The following LRRTM3 variants were observed in gnomAD, a reference collection of about 807,000 sequenced individuals.
The protein encoded by LRRTM3 is leucine-rich repeat transmembrane neuronal protein 3.
LRRTM3 carries 24 observed loss-of-function variants against 44.7 expected under a neutral mutation model. The observed-to-expected ratio is 0.54, with a 90% CI of 0.39 to 0.76. The LOEUF is 0.76. LRRTM3 is among the 30% of genes least tolerant of loss of function. The pLI, the probability that LRRTM3 is intolerant of heterozygous loss-of-function variation, is 0.00. For missense variants in LRRTM3, 587 were observed against 702.2 expected (o/e 0.84, Z 1.85); for synonymous variants, 277 against 278.7 (o/e 0.99, Z 0.06).
intron 2 of LRRTM3, among the ~76,000 whole-genome samples, chr10:67,044,514 A>G (rs941283311): frequency 4.3e-4 from 65 of 152,172 alleles, no homozygotes; most frequent in African/African-American, 1.5e-3. Flanking sequence ...TGCTATCTGG[A>G]AAGTTTCCCA....
intron 2 of LRRTM3, among the ~76,000 whole-genome samples, chr10:67,034,447 T>G (rs1360992565): frequency 2.0e-5 from 3 of 152,198 alleles, no homozygotes; most frequent in Non-Finnish European, 4.4e-5. Context: ...TTATGATCTA[T>G]CACATCTTCT....
rs189427575 is a variant in LRRTM3, at chr10:66,990,996, T to C, written c.1536+62544T>C. ...TCATGATGGCATGTATTGAACATTTTGGTGAAACAAATATCTGCTAATGAT... is the reference window on the plus strand; with the variant it reads ...TCATGATGGCATGTATTGAACATTTCGGTGAAACAAATATCTGCTAATGAT... On this transcript the variant is annotated intron_variant, in intron 2 of 2. Transcript: ENST00000361320. 9.5e-4 allele frequency among the ~76,000 whole-genome samples: 144 copies of C among 152,278 alleles called. 1 individual carries two copies. The highest frequency in any genetic ancestry group is 3.2e-3 in the African/African-American group (134 of 41,564).
At chr10:66,976,123 T>G (rs1421195289) in intron 2 of LRRTM3, among the ~76,000 whole-genome samples, 2 of 152,186 alleles carry the variant, frequency 1.3e-5, no homozygotes, top group Admixed American at 6.5e-5. Context: ...GAAACAAACA[T>G]TGTTCCTGCC....
intron 2 of LRRTM3, among the ~76,000 whole-genome samples, chr10:67,080,763 G>T (rs1260234900): frequency 2.0e-5 from 3 of 151,932 alleles, no homozygotes; most frequent in Admixed American, 6.6e-5. Flanking sequence ...CAAAAAATTA[G>T]CCCGGCGTGG....
At chr10:67,019,691 A>G (rs894189772) in intron 2 of LRRTM3, among the ~76,000 whole-genome samples, 4 of 152,156 alleles carry the variant, frequency 2.6e-5, no homozygotes, top group African/African-American at 9.7e-5. Context: ...AGGTCTCCCT[A>G]TGTAATGTCA....
intron 2 of LRRTM3, among the ~76,000 whole-genome samples, chr10:67,089,717 A>ATGTGTGTGTGTGTGTGTGTGTGTGTGTG (rs71006125): frequency 6.9e-6 from 1 of 144,648 alleles, no homozygotes; most frequent in East Asian, 2.1e-4. Context: ...GTATATACAT[A>ATGTGTGTGTGTGTGTGTGTGTGTGTGTG]TGTGTGTGTG....
At position 67,097,764 on chromosome 10, in the gene LRRTM3, C is replaced by T. The variant is rs957367602; in HGVS notation, c.1714C>T (p.Arg572Ter). ...CCTGAGCACAATCACAACAGCTGGC[C>T]GAATCAGTGACCATAAACAGCAGCT... ...LDLSTITTAGRISDHKQQLA is the reference protein window; with the variant it reads ...LDLSTITTAG The change falls in exon 3 of 3, where the codon CGA becomes TGA. Residue 572 changes from arginine to a stop codon, truncating the protein, a stop_gained. Coordinates refer to ENST00000361320, the MANE Select transcript of LRRTM3 (RefSeq NM_178011.5). LOFTEE classifies it high-confidence loss of function. 46 of 1,612,184 alleles carry T rather than the reference C, an allele frequency of 2.9e-5. No individual in the cohort carries two copies. Among genetic ancestry groups the T allele is most frequent in the Middle Eastern group, 1.6e-4 (1 of 6,072 alleles).
chr10:66,976,089 AG>A (rs138025235), intron 2 of LRRTM3, among the ~76,000 whole-genome samples: 5,834 of 152,280 alleles, frequency 0.038, 138 homozygotes, highest in Middle Eastern at 0.085. Flanking sequence ...ACTTACTGTT[AG>A]GTGCTAGTAG....
intron 2 of LRRTM3, among the ~76,000 whole-genome samples, chr10:67,028,510 G>GACT (rs1853524532): frequency 6.6e-6 from 1 of 151,836 alleles, no homozygotes; most frequent in Non-Finnish European, 1.5e-5. Flanking sequence ...AGGAAGTAAA[G>GACT]ACTTTAGGCA....
chr10:67,033,504 C>T (rs748586969), intron 2 of LRRTM3, among the ~76,000 whole-genome samples: 76 of 152,316 alleles, frequency 5.0e-4, no homozygotes, highest in Non-Finnish European at 6.8e-4. Flanking sequence ...TACCAATACA[C>T]GATGTAAATA....
chr10:66,926,842 A>C, intron 1 of LRRTM3, 79 bp from the exon 2 acceptor site: 3 of 1,266,630 alleles, frequency 2.4e-6, no homozygotes, highest in Non-Finnish European at 3.2e-6. Flanking sequence ...AAAAATGAAA[A>C]ATATATGCCT....
intron 2 of LRRTM3, among the ~76,000 whole-genome samples, chr10:67,066,562 CACCA>C (rs1338655596): frequency 1.3e-5 from 2 of 149,676 alleles, no homozygotes; most frequent in Non-Finnish European, 3.0e-5. Context: ...GGTACATACA[CACCA>C]ACCATTACAG....
At chr10:67,016,609 C>T (rs905027924) in intron 2 of LRRTM3, among the ~76,000 whole-genome samples, 3 of 152,146 alleles carry the variant, frequency 2.0e-5, no homozygotes, top group East Asian at 1.9e-4. Context: ...TTATGTATCA[C>T]GCAGAAACTA....
intron 2 of LRRTM3, among the ~76,000 whole-genome samples, chr10:66,931,558 G>A (rs114114376): frequency 1.6e-3 from 239 of 152,304 alleles, no homozygotes; most frequent in African/African-American, 5.4e-3. Flanking sequence ...GACCTCTAGT[G>A]TCTGGTTAGA....
chr10:67,080,634 G>C (rs1856998737), intron 2 of LRRTM3, among the ~76,000 whole-genome samples: 1 of 152,124 alleles, frequency 6.6e-6, no homozygotes, highest in Non-Finnish European at 1.5e-5. Context: ...TAACGGCCGG[G>C]CATGGTGGCT....
At chr10:67,030,733 C>T (rs1036785388) in intron 2 of LRRTM3, among the ~76,000 whole-genome samples, 20 of 152,018 alleles carry the variant, frequency 1.3e-4, no homozygotes, top group African/African-American at 3.9e-4. Context: ...CGGTCAGATG[C>T]GGTGGCTCAC....
At chr10:66,942,050 G>C (rs543629599) in intron 2 of LRRTM3, among the ~76,000 whole-genome samples, 3 of 152,132 alleles carry the variant, frequency 2.0e-5, no homozygotes, top group Admixed American at 2.0e-4. Flanking sequence ...GCACGGCATG[G>C]TATCAGTTTC....
chr10:66,951,787 G>T (rs1464366258), intron 2 of LRRTM3, among the ~76,000 whole-genome samples: 1 of 152,110 alleles, frequency 6.6e-6, no homozygotes, highest in African/African-American at 2.4e-5. Context: ...ACTGGGAAGG[G>T]ATCTAGAGGA....
At chr10:66,946,960 T>C (rs1056489793) in intron 2 of LRRTM3, among the ~76,000 whole-genome samples, 5 of 152,156 alleles carry the variant, frequency 3.3e-5, no homozygotes, top group African/African-American at 1.2e-4. Context: ...TATTTTGCAT[T>C]TTTAAAATCT....
Sources: gnomAD v4.1 joint callset for allele counts (sites outside exome capture counted in the v4.1 genomes callset) on GRCh38, gnomAD v4.1.1 for gene constraint, MANE v1.5 for transcripts, NCBI Gene and HGNC (gene_info 2026-07-23, HGNC 2026-07-21) for gene names.